Variants in CREB3L2 observed in about 807,000 individuals in gnomAD.
CREB3L2 encodes cyclic AMP-responsive element-binding protein 3-like protein 2.
CREB3L2 carries 23 observed loss-of-function variants against 57.2 expected under a neutral mutation model. The ratio of observed to expected loss-of-function variants is 0.40; its 90% CI spans 0.29 to 0.57. The LOEUF (loss-of-function observed/expected upper bound fraction) is 0.57, where lower values mean the gene tolerates loss of function less well. Among genes scored for constraint, CREB3L2 ranks in the 20% least tolerant of loss-of-function variants. The probability of loss-of-function intolerance (pLI) is 0.42; values close to 1 mark genes in which losing one functional copy is unlikely to be tolerated. For missense variants in CREB3L2, 628 were observed against 634.7 expected (o/e 0.99, Z 0.11); for synonymous variants, 268 against 265.1 (o/e 1.01, Z -0.11).
intron 8 of CREB3L2, among the ~76,000 whole-genome samples, chr7:137,896,185 A>G (rs1215575687): frequency 6.6e-6 from 1 of 152,244 alleles, no homozygotes; most frequent in Admixed American, 6.5e-5. Context: ...TCGGCAGAAA[A>G]CAAAGAGAAA....
At chr7:137,976,030 C>T (rs780470515) in intron 1 of CREB3L2, among the ~76,000 whole-genome samples, 3 of 152,226 alleles carry the variant, frequency 2.0e-5, no homozygotes, top group Non-Finnish European at 4.4e-5. Flanking sequence ...CCAGATGTTC[C>T]ACAGACATCA....
In CREB3L2 at chr7:137,877,268, T is replaced by C; in HGVS notation, c.*3208A>G. The C allele has an allele frequency of 4.4e-6, 1 of 225,760 alleles. No individual in the cohort carries two copies. Among genetic ancestry groups the C allele is most frequent in the Non-Finnish European group, 8.8e-6 (1 of 113,352 alleles). 14.0% of individuals were successfully genotyped at this position (225,760 alleles called of 1,614,324 possible). ...ACAATCTACAAATTAGGCCTCCAAA[T>C]CAAAATCATTTATATTAACCAAAAG... On this transcript the variant is annotated 3_prime_UTR_variant, in exon 12 of 12. Coordinates refer to ENST00000330387, the MANE Select transcript of CREB3L2 (RefSeq NM_194071.4).
chr7:137,984,593 C>T (rs1187207837), intron 1 of CREB3L2, among the ~76,000 whole-genome samples: 1 of 152,258 alleles, frequency 6.6e-6, no homozygotes, highest in Non-Finnish European at 1.5e-5. Context: ...TAGGCCCTTA[C>T]ATGTTTAAAT....
At chr7:137,919,067 A>G (rs1163518380) in intron 2 of CREB3L2, among the ~76,000 whole-genome samples, 1 of 152,194 alleles carries the variant, frequency 6.6e-6, no homozygotes, top group Non-Finnish European at 1.5e-5. Context: ...GAGGGCAAAC[A>G]ACAGGCGCTG....
intron 1 of CREB3L2, among the ~76,000 whole-genome samples, chr7:137,983,950 C>G (rs56171936): frequency 1.2e-4 from 18 of 152,294 alleles, no homozygotes; most frequent in Non-Finnish European, 2.2e-4. Context: ...ACTCTGCTCT[C>G]CAGTGAAGGA....
chr7:137,958,289 G>A (rs1446888878), intron 1 of CREB3L2, among the ~76,000 whole-genome samples: 8 of 152,276 alleles, frequency 5.3e-5, no homozygotes, highest in South Asian at 2.1e-4. Context: ...TTAAGTTTGC[G>A]ACTTGGAGAC....
chr7:137,878,647 G>T lies in CREB3L2; in HGVS notation c.*1829C>A. On this transcript the variant is annotated 3_prime_UTR_variant, in exon 12 of 12. Coordinates refer to ENST00000330387, the MANE Select transcript of CREB3L2 (RefSeq NM_194071.4). ...AGACAACAGGGCTGCCAGGACTACG[G>T]GGGCCCGATCCAGCTTCCACTCACA... The T allele has an allele frequency of 4.3e-6, 1 of 233,960 alleles. No homozygotes were observed. Among genetic ancestry groups the T allele is most frequent in the East Asian group, 6.0e-5 (1 of 16,594 alleles). The allele number at this position is 233,960 out of a possible 1,614,324, so 14.5% of individuals were successfully genotyped here.
chr7:137,892,992 T>C (rs1463792990), intron 8 of CREB3L2, among the ~76,000 whole-genome samples: 1 of 152,146 alleles, frequency 6.6e-6, no homozygotes, highest in African/African-American at 2.4e-5. Context: ...CAGCTCAAAC[T>C]CCTAAACCTT....
In CREB3L2 at chr7:137,911,402, G is replaced by A. The variant is rs572705018; in HGVS notation, c.583+1589C>T. Among the ~76,000 whole-genome samples the A allele has an allele frequency of 6.6e-5, 10 of 152,288 alleles. No individual in the cohort carries two copies. The East Asian group carries it at 1.9e-3, about 29-fold the overall frequency. On this transcript the variant is annotated intron_variant, in intron 4 of 11. Transcript: ENST00000330387. Reference sequence around the variant, plus strand: ...AGTTTCTAATGGAATGAAGACAGACGATATTTTCATGAGAAGTGCTCATAT... The same window carrying A: ...AGTTTCTAATGGAATGAAGACAGACAATATTTTCATGAGAAGTGCTCATAT...
intron 8 of CREB3L2, 38 bp from the exon 9 acceptor site, chr7:137,885,540 A>C: frequency 6.6e-7 from 1 of 1,510,850 alleles, no homozygotes; most frequent in South Asian, 1.1e-5. Flanking sequence ...GGAGTCTGAC[A>C]GAGAAGAGAT....
intron 4 of CREB3L2, among the ~76,000 whole-genome samples, chr7:137,911,780 A>T (rs1800010772): frequency 6.6e-6 from 1 of 152,152 alleles, no homozygotes; most frequent in Non-Finnish European, 1.5e-5. Context: ...TGAGGTTGCC[A>T]TGAGCCATGA....
In CREB3L2 at chr7:137,882,436, A is replaced by G; in HGVS notation, c.1463T>C (p.Val488Ala). 1 of 1,613,758 alleles carries G rather than the reference A, an allele frequency of 6.2e-7. No individual in the cohort carries two copies. Among genetic ancestry groups the G allele is most frequent in the Non-Finnish European group, 8.5e-7 (1 of 1,179,710 alleles). ...ISNETSLEKS[V>A]LLELQQHLVS... ...CAGGTGCTGCTGCAGCTCCAAAAGC[A>G]CTGACTTCTCCAGGCTGGTCTCATT... Residue 488 changes from valine to alanine, a missense_variant, in exon 11 of 12, where the codon GTG (valine) becomes GCG (alanine). This residue lies in a region of CREB3L2 where 272 missense variants were observed against 242.7 expected (regional missense o/e 1.12). Transcript: ENST00000330387.
chr7:137,885,821 C>T (rs1563238546), intron 8 of CREB3L2, among the ~76,000 whole-genome samples: 1 of 152,212 alleles, frequency 6.6e-6, no homozygotes, highest in Non-Finnish European at 1.5e-5. Flanking sequence ...GGAAAAGGAA[C>T]ACTCTGATTG....
intron 1 of CREB3L2, among the ~76,000 whole-genome samples, chr7:137,989,120 A>G (rs1801840354): frequency 6.6e-6 from 1 of 152,208 alleles, no homozygotes. Flanking sequence ...AAAAAAATCA[A>G]AAGAGGCAGC....
At chr7:137,991,446 G>A (rs1801894441) in intron 1 of CREB3L2, among the ~76,000 whole-genome samples, 1 of 152,030 alleles carries the variant, frequency 6.6e-6, no homozygotes, top group African/African-American at 2.4e-5. Context: ...TTACAGGCGT[G>A]AGCCACCGCG....
chr7:137,933,403 C>T (rs570689561), intron 1 of CREB3L2, among the ~76,000 whole-genome samples: 7 of 152,202 alleles, frequency 4.6e-5, no homozygotes, highest in Non-Finnish European at 8.8e-5. Flanking sequence ...CCCAGGTTGG[C>T]GCACTCTGCT....
Position 137,992,252 on chromosome 7 carries a change from A to AC in CREB3L2, c.102+9351dup, listed in dbSNP as rs1801911846. Among the ~76,000 whole-genome samples the AC allele has an allele frequency of 2.6e-5, 4 of 152,040 alleles. No individual in the cohort carries two copies. In the South Asian group the frequency reaches 8.3e-4, roughly 32 times the overall value. On this transcript the variant is annotated intron_variant, in intron 1 of 11. Transcript: ENST00000330387. The stretch of plus-strand genomic sequence containing the variant: ...CCACACAGTCGAAAAGATTAGACCT[A>AC]CCCCCACAGGATGCCACAGAGGGTT...
intron 1 of CREB3L2, chr7:137,936,071 G>T: frequency 3.6e-6 from 1 of 278,254 alleles, no homozygotes; most frequent in Non-Finnish European, 5.5e-6. Flanking sequence ...CAAATAACTG[G>T]CTGCATAAAG....
intron 1 of CREB3L2, among the ~76,000 whole-genome samples, chr7:137,960,994 G>A (rs376939905): frequency 6.6e-6 from 1 of 151,096 alleles, no homozygotes; most frequent in Non-Finnish European, 1.5e-5. Flanking sequence ...TAGCAGAGAC[G>A]GGGTTTCACT....
Sources: allele counts gnomAD v4.1 joint callset (sites outside exome capture counted in the v4.1 genomes callset), GRCh38; gene constraint gnomAD v4.1.1; regional missense constraint gnomAD v4.1.1; transcripts MANE v1.5; gene names NCBI Gene and HGNC (gene_info 2026-07-23, HGNC 2026-07-21).